Variants in ADD3 observed in about 807,000 individuals in gnomAD.
The protein encoded by ADD3 is gamma-adducin.
ADD3 carries 25 observed loss-of-function variants against 80.2 expected under a neutral mutation model. That is an observed-to-expected ratio of 0.31 (90% CI 0.23 to 0.44). The LOEUF (loss-of-function observed/expected upper bound fraction) is 0.44, where lower values mean the gene tolerates loss of function less well. Among genes scored for constraint, ADD3 ranks in the 20% least tolerant of loss-of-function variants. ADD3 has a pLI of 1.00. For missense variants in ADD3, 829 were observed against 847.5 expected, an observed-to-expected ratio of 0.98 and a Z score of 0.27; for synonymous variants, 284 against 289.6, an observed-to-expected ratio of 0.98 and a Z score of 0.20.
chr10:110,002,704 C>T (rs1207757644), upstream of ADD3, among the ~76,000 whole-genome samples: 1 of 151,378 alleles, frequency 6.6e-6, no homozygotes, highest in African/African-American at 2.4e-5. Flanking sequence ...TTTTAAGTTA[C>T]CAAATAGAAA....
At chr10:110,126,048 CAGA>C (rs1335835471) in intron 11 of ADD3, 103 bp downstream of exon 11, 1 of 1,210,028 alleles carries the variant, frequency 8.3e-7, no homozygotes, top group African/African-American at 1.5e-5. Flanking sequence ...AGTTTGAATA[CAGA>C]AGAATTTGGA....
In ADD3 at chr10:110,130,448, A is replaced by G. The variant is rs768267530; in HGVS notation, c.1694A>G (p.Tyr565Cys). 1 of 1,614,148 alleles carries G rather than the reference A, an allele frequency of 6.2e-7. No homozygotes were observed. The highest frequency in any genetic ancestry group is 8.5e-7 in the Non-Finnish European group (1 of 1,179,982). The change falls in exon 13 of 15, where the codon TAT becomes TGT. Residue 565 changes from tyrosine to cysteine, a missense_variant. Physicochemically the swap from Tyr to Cys is radical, Grantham distance 194. Transcript: ENST00000356080. Reference sequence around the variant, plus strand: ...CTCACAGAAGGAGAACTTGAAGAGTATAAGAGGACAATCGAACGTAAACAA... The same window carrying G: ...CTCACAGAAGGAGAACTTGAAGAGTGTAAGAGGACAATCGAACGTAAACAA... Reference protein sequence around the residue: ...SHLTEGELEEYKRTIERKQQG... With the variant: ...SHLTEGELEECKRTIERKQQG...
At chr10:110,041,390 A>T (rs1244080334) in intron 1 of ADD3, among the ~76,000 whole-genome samples, 2 of 152,206 alleles carry the variant, frequency 1.3e-5, no homozygotes, top group South Asian at 2.1e-4. Flanking sequence ...CACAATCCAG[A>T]CTAAGAAAAT....
At chr10:110,014,341 A>AGG (rs1852673895) in intron 1 of ADD3, among the ~76,000 whole-genome samples, 1 of 152,158 alleles carries the variant, frequency 6.6e-6, no homozygotes, top group South Asian at 2.1e-4. Context: ...GCTCAAATGG[A>AGG]GTTGTGATTG....
intron 1 of ADD3, among the ~76,000 whole-genome samples, chr10:110,055,306 T>G (rs1257627389): frequency 1.3e-5 from 2 of 152,176 alleles, no homozygotes; most frequent in African/African-American, 4.8e-5. Context: ...CATAAGCCAC[T>G]CAGCTACTTG....
At chr10:110,060,414 G>T (rs1275746185) in intron 1 of ADD3, among the ~76,000 whole-genome samples, 1 of 152,082 alleles carries the variant, frequency 6.6e-6, no homozygotes, top group Non-Finnish European at 1.5e-5. Flanking sequence ...CCCCCCCTCT[G>T]AATAAAATTT....
chr10:110,031,309 C>T (rs1391218470), intron 1 of ADD3, among the ~76,000 whole-genome samples: 1 of 152,186 alleles, frequency 6.6e-6, no homozygotes, highest in East Asian at 1.9e-4. Context: ...TTTATGGCTA[C>T]TATCCATTGG....
At position 110,079,467 on chromosome 10, in the gene ADD3, T is replaced by A. The variant is rs1032309501; in HGVS notation, c.-29-21158T>A. 1.5e-3 allele frequency among the ~76,000 whole-genome samples: 203 copies of A among 133,870 alleles called. 1 individual carries two copies. Among genetic ancestry groups the A allele is most frequent in the Middle Eastern group, 0.012 (3 of 256 alleles). 87.8% of individuals were successfully genotyped at this position (133,870 alleles called of 152,430 possible). On this transcript the variant is annotated intron_variant, in intron 1 of 14. Transcript: ENST00000356080. ...GAGAGAGAGAGAGAGAGAGAGTGTG[T>A]GTGTGTGTGTGTGTGTGTGTGTGTG... is the stretch of plus-strand genomic sequence containing the variant.
chr10:110,045,377 A>G lies in ADD3; in HGVS notation c.-30+37078A>G, dbSNP rs914603722. On this transcript the variant is annotated intron_variant, in intron 1 of 14. Transcript: ENST00000356080. ...TCAAAAAAAAAAAGAGAAAGTACCT[A>G]TGGTGAAAGAATAGAATGGTTTTGG... 7.9e-5 allele frequency among the ~76,000 whole-genome samples: 12 copies of G among 152,096 alleles called. No individual in the cohort carries two copies. In the South Asian group the frequency reaches 1.2e-3, roughly 16 times the overall value.
intron 2 of ADD3, among the ~76,000 whole-genome samples, chr10:110,109,308 A>T (rs1849727452): frequency 6.6e-6 from 1 of 152,210 alleles, no homozygotes; most frequent in Admixed American, 6.5e-5. Flanking sequence ...GAGTTGAGAT[A>T]AAATTTGTCC....
At chr10:110,108,995 A>G (rs1363892526) in intron 2 of ADD3, among the ~76,000 whole-genome samples, 5 of 152,300 alleles carry the variant, frequency 3.3e-5, no homozygotes, top group African/African-American at 1.2e-4. Context: ...CTATGACACC[A>G]TAGCTATCCC....
chr10:110,012,461 G>C (rs548747912), intron 1 of ADD3, among the ~76,000 whole-genome samples: 5 of 152,146 alleles, frequency 3.3e-5, no homozygotes, highest in Non-Finnish European at 5.9e-5. Context: ...GAAAAGCTGC[G>C]TTAACAATTC....
Position 110,084,158 on chromosome 10 carries a change from A to G in ADD3, c.-29-16467A>G, listed in dbSNP as rs1305906846. 4.6e-5 allele frequency among the ~76,000 whole-genome samples: 7 copies of G among 152,338 alleles called. No homozygotes were observed. In the East Asian group the frequency reaches 1.3e-3, roughly 29 times the overall value. On this transcript the variant is annotated intron_variant, in intron 1 of 14. Coordinates refer to ENST00000356080, the MANE Select transcript of ADD3 (RefSeq NM_016824.5). ...TTTTAGGCATGTGTGAGTGGGCACA[A>G]AAAGCTGAGTCATGAAGTTTACTCT...
chr10:110,071,617 C>CT (rs1844730836), intron 1 of ADD3, among the ~76,000 whole-genome samples: 1 of 151,900 alleles, frequency 6.6e-6, no homozygotes, highest in Admixed American at 6.6e-5. Context: ...TTATTCTGTG[C>CT]TTTTTTCTTT....
chr10:110,045,104 C>T (rs1332618108), intron 1 of ADD3, among the ~76,000 whole-genome samples: 1 of 152,180 alleles, frequency 6.6e-6, no homozygotes, highest in Non-Finnish European at 1.5e-5. Context: ...CCTGTAATCC[C>T]AACACTTTGG....
intron 1 of ADD3, among the ~76,000 whole-genome samples, chr10:110,076,328 C>T (rs1845372945): frequency 6.6e-6 from 1 of 152,048 alleles, no homozygotes; most frequent in Non-Finnish European, 1.5e-5. Context: ...TTTATACATA[C>T]TGTGGAAAAC....
intron 1 of ADD3, among the ~76,000 whole-genome samples, chr10:110,069,078 A>G (rs1427041615): frequency 6.7e-6 from 1 of 149,534 alleles, no homozygotes; most frequent in African/African-American, 2.4e-5. Context: ...CCCTGTCTTA[A>G]AAAAAAAAAA....
intron 1 of ADD3, among the ~76,000 whole-genome samples, chr10:109,998,187 A>C (rs1851416759): frequency 6.6e-6 from 1 of 152,246 alleles, no homozygotes; most frequent in Non-Finnish European, 1.5e-5. Flanking sequence ...TCTCAAACTT[A>C]GCAGAAGGGC....
chr10:110,109,804 T>C (rs1003212699), intron 2 of ADD3, among the ~76,000 whole-genome samples: 84 of 152,308 alleles, frequency 5.5e-4, no homozygotes, highest in Non-Finnish European at 6.8e-4. Context: ...AAAATAGTTA[T>C]GTTACTTGTC....
Sources: allele counts gnomAD v4.1 joint callset (sites outside exome capture counted in the v4.1 genomes callset), GRCh38; gene constraint gnomAD v4.1.1; transcripts MANE v1.5; gene names NCBI Gene and HGNC (gene_info 2026-07-23, HGNC 2026-07-21).